NBEA: variants seen among roughly 807,000 people sequenced by gnomAD.
NBEA encodes the protein lysosomal-trafficking regulator 2.
NBEA carries 44 observed loss-of-function variants against 343.4 expected under a neutral mutation model. The ratio of observed to expected loss-of-function variants is 0.13; its 90% CI spans 0.10 to 0.16. The LOEUF is 0.16. Ranked by LOEUF, NBEA falls within the 10% of genes least tolerant of loss-of-function variation. The probability of loss-of-function intolerance (pLI) is 1.00; values close to 1 mark genes in which losing one functional copy is unlikely to be tolerated. For synonymous variants in NBEA, 1,175 were observed against 1,238.7 expected, an observed-to-expected ratio of 0.95 and a Z score of 1.08; for missense variants, 2,555 against 3,631.3, an observed-to-expected ratio of 0.70 and a Z score of 7.62.
At chr13:35,163,761 T>G (rs902496983) in intron 23 of NBEA, among the ~76,000 whole-genome samples, 1 of 152,178 alleles carries the variant, frequency 6.6e-6, no homozygotes, top group Non-Finnish European at 1.5e-5. Context: ...AAATAAGTTC[T>G]TGAATTTGTA....
chr13:34,993,058 A>G (rs1336104612), intron 1 of NBEA, among the ~76,000 whole-genome samples: 2 of 152,148 alleles, frequency 1.3e-5, no homozygotes, highest in Non-Finnish European at 2.9e-5. Context: ...CTACTGTTGC[A>G]TTCATTACTC....
chr13:35,070,278 ACTC>A (rs1206850533), intron 9 of NBEA, among the ~76,000 whole-genome samples, 173 bp downstream of exon 9: 1 of 151,964 alleles, frequency 6.6e-6, no homozygotes, highest in Non-Finnish European at 1.5e-5. Flanking sequence ...ATAGCAATAT[ACTC>A]TACCCTGGCC....
rs1475760811 is a variant in NBEA, at chr13:35,186,971, T to C, written c.4927+2900T>C. 2.0e-5 allele frequency among the ~76,000 whole-genome samples: 3 copies of C among 152,074 alleles called. No individual in the cohort carries two copies. In the South Asian group the frequency reaches 6.2e-4, roughly 31 times the overall value. The stretch of plus-strand genomic sequence containing the variant: ...TCAAATAACAAAAACAGTTGTGCTG[T>C]TTTTGTTTTAAAAACAAAACAAAGT... On this transcript the variant is annotated intron_variant, in intron 30 of 58. Transcript: ENST00000379939.
chr13:35,478,361 A>T (rs1334675466), intron 41 of NBEA, among the ~76,000 whole-genome samples: 2 of 152,230 alleles, frequency 1.3e-5, no homozygotes, highest in Admixed American at 1.3e-4. Context: ...CTTTGCCGTC[A>T]TCGCGGGTGA....
At chr13:35,642,520 A>G (rs1190731124) in intron 49 of NBEA, among the ~76,000 whole-genome samples, 1 of 152,178 alleles carries the variant, frequency 6.6e-6, no homozygotes, top group African/African-American at 2.4e-5. Context: ...ACACAAAGCA[A>G]CTGATATCTT....
chr13:35,063,596 A>G (rs747119400), intron 8 of NBEA, among the ~76,000 whole-genome samples: 20 of 152,006 alleles, frequency 1.3e-4, no homozygotes, highest in Non-Finnish European at 1.5e-5. Context: ...GAGGATTGTT[A>G]TGACTTTATT....
At chr13:34,985,391 A>C (rs1268732278) in intron 1 of NBEA, among the ~76,000 whole-genome samples, 1 of 150,952 alleles carries the variant, frequency 6.6e-6, no homozygotes, top group Non-Finnish European at 1.5e-5. Flanking sequence ...GATGAAGCCG[A>C]CTTGATTGTG....
chr13:35,097,055 G>GTA (rs2065373107), intron 10 of NBEA, among the ~76,000 whole-genome samples: 1 of 151,608 alleles, frequency 6.6e-6, no homozygotes, highest in East Asian at 1.9e-4. Flanking sequence ...ACTATATTTT[G>GTA]TCTAGCTGGT....
chr13:35,649,958 ACAG>A (rs1489997505), intron 52 of NBEA, 111 bp downstream of exon 52: 1 of 1,063,576 alleles, frequency 9.4e-7, no homozygotes, highest in Non-Finnish European at 1.4e-6. Flanking sequence ...TCTACAAAAA[ACAG>A]CAGACTAAAT....
intron 48 of NBEA, among the ~76,000 whole-genome samples, chr13:35,619,610 A>T (rs1235253190): frequency 1.3e-5 from 2 of 152,120 alleles, no homozygotes; most frequent in Non-Finnish European, 2.9e-5. Context: ...GGGGGCTCAG[A>T]TATTCTTCAC....
In NBEA at chr13:35,363,281, G is replaced by A. The variant is rs752966277; in HGVS notation, c.6179+10958G>A. Among the ~76,000 whole-genome samples the A allele has an allele frequency of 4.6e-5, 7 of 151,922 alleles. No individual in the cohort carries two copies. The East Asian group carries it at 7.7e-4, about 17-fold the overall frequency. ...TTATTTCACTCTGGAATCTAGGAGCGTGTTTGATTTCTTCTTAAAGGTAGG... is the reference window on the plus strand; with the variant it reads ...TTATTTCACTCTGGAATCTAGGAGCATGTTTGATTTCTTCTTAAAGGTAGG... On this transcript the variant is annotated intron_variant, in intron 38 of 58. Transcript: ENST00000379939.
At chr13:34,970,858 T>C (rs1407986610) in intron 1 of NBEA, among the ~76,000 whole-genome samples, 3 of 152,208 alleles carry the variant, frequency 2.0e-5, no homozygotes, top group African/African-American at 4.8e-5. Flanking sequence ...CTATTCAGGC[T>C]CTTTTTTGGT....
intron 36 of NBEA, among the ~76,000 whole-genome samples, chr13:35,334,244 G>A (rs538327362): frequency 6.6e-6 from 1 of 152,168 alleles, no homozygotes; most frequent in African/African-American, 2.4e-5. Flanking sequence ...CATTTTAACT[G>A]GCATGAGATG....
Position 34,943,054 on chromosome 13 carries a change from T to C in NBEA, c.234T>C (p.Ile78=). 6.2e-7 allele frequency: 1 copy of C among 1,613,508 alleles called. No homozygotes were observed. The highest frequency in any genetic ancestry group is 8.5e-7 in the Non-Finnish European group (1 of 1,179,686). Residue 78 remains isoleucine (I), a synonymous_variant, in exon 1 of 59, where the codon ATT becomes ATC. Coordinates refer to ENST00000379939, the MANE Select transcript of NBEA (RefSeq NM_001385012.1). ...TCCGGATGAAATTCGCAGTGTTGAT[T>C]GGACTCATACAGGTCGGAGAGGTCA... ...RNIRMKFAVL[I]GLIQVGEVSN...
intron 40 of NBEA, among the ~76,000 whole-genome samples, chr13:35,463,920 C>T (rs1168513671): frequency 1.3e-5 from 2 of 152,052 alleles, no homozygotes; most frequent in Non-Finnish European, 2.9e-5. Context: ...TTTCCAGAAA[C>T]TGCTGAAAAA....
chr13:35,369,754 C>G (rs538790463), intron 38 of NBEA, among the ~76,000 whole-genome samples: 1 of 151,818 alleles, frequency 6.6e-6, no homozygotes, highest in Non-Finnish European at 1.5e-5. Context: ...TTGGTGGAGT[C>G]TTTAGGTTTT....
intron 34 of NBEA, among the ~76,000 whole-genome samples, chr13:35,273,258 G>A (rs954528351): frequency 4.6e-5 from 7 of 152,142 alleles, no homozygotes; most frequent in Non-Finnish European, 8.8e-5. Flanking sequence ...TGTCTACTGG[G>A]TAAATAACGA....
chr13:35,098,003 G>T (rs1223273732), intron 10 of NBEA, among the ~76,000 whole-genome samples: 1 of 151,954 alleles, frequency 6.6e-6, no homozygotes, highest in Non-Finnish European at 1.5e-5. Context: ...TTTACTTGAA[G>T]CCAGACATAT....
chr13:35,230,297 G>T (rs763256673), intron 33 of NBEA, among the ~76,000 whole-genome samples: 37 of 151,938 alleles, frequency 2.4e-4, no homozygotes, highest in Non-Finnish European at 4.7e-4. Context: ...CAGTATTTTT[G>T]TAATTCTGAA....
Sources: gnomAD v4.1 joint callset for allele counts (sites outside exome capture counted in the v4.1 genomes callset) on GRCh38, gnomAD v4.1.1 for gene constraint, MANE v1.5 for transcripts, NCBI Gene and HGNC (gene_info 2026-07-23, HGNC 2026-07-21) for gene names.